Variants in INPP4B observed in about 807,000 individuals in gnomAD.
INPP4B encodes inositol polyphosphate 4-phosphatase type II.
INPP4B carries 55 observed loss-of-function variants against 122.5 expected under a neutral mutation model. That is an observed-to-expected ratio of 0.45 (90% CI 0.36 to 0.56). The LOEUF is 0.56. Ranked by LOEUF, INPP4B falls within the 20% of genes least tolerant of loss-of-function variation. The pLI is 0.00. For missense variants in INPP4B, 1,000 were observed against 1,097.7 expected, an observed-to-expected ratio of 0.91 and a Z score of 1.26; for synonymous variants, 403 against 388.7, an observed-to-expected ratio of 1.04 and a Z score of -0.43.
chr4:142,311,980 T>G (rs1170952122), intron 8 of INPP4B, among the ~76,000 whole-genome samples: 6 of 152,152 alleles, frequency 3.9e-5, no homozygotes. Context: ...TTCCCAAGAC[T>G]TCTATAACAT....
chr4:142,111,193 G>T (rs1351355532), intron 22 of INPP4B, among the ~76,000 whole-genome samples: 1 of 148,382 alleles, frequency 6.7e-6, no homozygotes, highest in Non-Finnish European at 1.5e-5. Flanking sequence ...CTTGGAGAGT[G>T]AATTATAGAT....
At chr4:142,373,971 C>T (rs1390091903) in intron 7 of INPP4B, among the ~76,000 whole-genome samples, 1 of 151,684 alleles carries the variant, frequency 6.6e-6, no homozygotes, top group Non-Finnish European at 1.5e-5. Flanking sequence ...GACAGGCACT[C>T]TACCAGAAGC....
At chr4:142,558,738 T>C (rs1343567392) in intron 2 of INPP4B, among the ~76,000 whole-genome samples, 1 of 128,688 alleles carries the variant, frequency 7.8e-6, no homozygotes, top group African/African-American at 3.0e-5. Flanking sequence ...GAGCTTGCAG[T>C]GAGCAGAGAT....
chr4:142,135,669 G>C (rs1464512034), intron 18 of INPP4B, among the ~76,000 whole-genome samples: 1 of 152,158 alleles, frequency 6.6e-6, no homozygotes, highest in Non-Finnish European at 1.5e-5. Context: ...GTAAATGACA[G>C]AATCCAGTAA....
intron 7 of INPP4B, among the ~76,000 whole-genome samples, chr4:142,361,979 A>G (rs11947974): frequency 0.01 from 1,566 of 152,130 alleles, 28 homozygotes; most frequent in African/African-American, 0.036. Flanking sequence ...TCCAGTAAGA[A>G]GGACACATTC....
chr4:142,328,129 T>A (rs1773147985), intron 7 of INPP4B, among the ~76,000 whole-genome samples: 1 of 152,152 alleles, frequency 6.6e-6, no homozygotes, highest in Non-Finnish European at 1.5e-5. Context: ...CATGGCTAAC[T>A]CAGTGTTGTT....
chr4:142,716,387 C>T (rs950886393), intron 2 of INPP4B, among the ~76,000 whole-genome samples: 1 of 152,266 alleles, frequency 6.6e-6, no homozygotes, highest in South Asian at 2.1e-4. Context: ...ATGATACTAT[C>T]GCATCTTTCT....
chr4:142,348,506 T>C (rs1370727809), intron 7 of INPP4B, among the ~76,000 whole-genome samples: 1 of 152,050 alleles, frequency 6.6e-6, no homozygotes. Context: ...CAGATATAGA[T>C]GGTGAAGAGA....
At chr4:142,359,599 C>T (rs546195171) in intron 7 of INPP4B, among the ~76,000 whole-genome samples, 6 of 152,000 alleles carry the variant, frequency 3.9e-5, no homozygotes, top group African/African-American at 1.4e-4. Flanking sequence ...CAGTAAAATG[C>T]CAAAATTCTT....
chr4:142,182,336 C>T (rs1052184432), intron 15 of INPP4B, among the ~76,000 whole-genome samples: 2 of 152,032 alleles, frequency 1.3e-5, no homozygotes, highest in Admixed American at 6.5e-5. Context: ...ATCACGAGGT[C>T]AGGAGATTGA....
intron 12 of INPP4B, among the ~76,000 whole-genome samples, chr4:142,226,427 C>G (rs974954130): frequency 6.6e-6 from 1 of 152,152 alleles, no homozygotes; most frequent in South Asian, 2.1e-4. Context: ...CCTTACATAT[C>G]ATGATTATGG....
chr4:142,584,334 T>C (rs1230145521), intron 2 of INPP4B, among the ~76,000 whole-genome samples: 1 of 152,152 alleles, frequency 6.6e-6, no homozygotes, highest in Non-Finnish European at 1.5e-5. Flanking sequence ...TGAACATTGA[T>C]ACATTATTAT....
At chr4:142,812,258 G>A (rs1036206325) in intron 1 of INPP4B, among the ~76,000 whole-genome samples, 1 of 152,114 alleles carries the variant, frequency 6.6e-6, no homozygotes, top group South Asian at 2.1e-4. Context: ...AGCCTTGACA[G>A]TGAAGAAAGA....
chr4:142,217,019 C>A (rs562266865), intron 12 of INPP4B, among the ~76,000 whole-genome samples: 3 of 152,024 alleles, frequency 2.0e-5, no homozygotes, highest in African/African-American at 4.8e-5. Context: ...CAAATTAGGG[C>A]GAGTAAATGA....
intron 7 of INPP4B, among the ~76,000 whole-genome samples, chr4:142,317,835 A>G (rs1768324786): frequency 6.6e-6 from 1 of 152,220 alleles, no homozygotes; most frequent in Middle Eastern, 3.2e-3. Context: ...AGGAAATAGT[A>G]AGTATTCTGT....
At chr4:142,075,986 C>T (rs2152503974) in intron 25 of INPP4B, among the ~76,000 whole-genome samples, 1 of 152,150 alleles carries the variant, frequency 6.6e-6, no homozygotes, top group South Asian at 2.1e-4. Flanking sequence ...GTATGTTTCA[C>T]ATCCTTCTAT....
rs755612035 is a variant in INPP4B, at chr4:142,108,213, AGCT to A, written c.2277-26_2277-24del. On this transcript the variant is annotated intron_variant, in intron 22 of 25. Coordinates refer to ENST00000262992, the MANE Select transcript of INPP4B (RefSeq NM_001101669.3). ...AACCTACAAACAGAAAAAAGAAAACAGCTGTGGGTTATAAAACGGTACCAAAAA... is the reference window on the plus strand; with the variant it reads ...AACCTACAAACAGAAAAAAGAAAACAGTGGGTTATAAAACGGTACCAAAAA... 30 of 1,316,138 alleles carry A rather than the reference AGCT, an allele frequency of 2.3e-5. No individual in the cohort carries two copies. In the Middle Eastern group the frequency reaches 9.2e-4, roughly 40 times the overall value. The allele number at this position is 1,316,138 out of a possible 1,614,324, so 81.5% of individuals were successfully genotyped here. A position where few individuals can be genotyped will look rare whatever the true frequency, so the allele number is the denominator to read the frequency against.
chr4:142,517,703 G>A (rs995109696), intron 2 of INPP4B, among the ~76,000 whole-genome samples: 1 of 152,126 alleles, frequency 6.6e-6, no homozygotes, highest in African/African-American at 2.4e-5. Context: ...TGATGAGAAT[G>A]GAGTCTATTT....
At chr4:142,298,683 C>CAAAAAA (rs386401712) in intron 9 of INPP4B, among the ~76,000 whole-genome samples, 10 of 66,430 alleles carry the variant, frequency 1.5e-4, no homozygotes, top group African/African-American at 5.6e-4. Flanking sequence ...GACTCTGTCT[C>CAAAAAA]AAAAAAAAAA....
Sources: gnomAD v4.1 joint callset for allele counts (sites outside exome capture counted in the v4.1 genomes callset) on GRCh38, gnomAD v4.1.1 for gene constraint, MANE v1.5 for transcripts, NCBI Gene and HGNC (gene_info 2026-07-23, HGNC 2026-07-21) for gene names.